The following GZMA variants were observed in gnomAD, a reference collection of about 807,000 sequenced individuals.
The protein encoded by GZMA is granzyme A.
Under a neutral mutation model 21.1 loss-of-function variants are expected in GZMA, and 17 were observed. The observed-to-expected ratio is 0.81, with a 90% confidence interval of 0.55 to 1.21. GZMA has a LOEUF of 1.21. Ranked by LOEUF, GZMA falls within the 50% of genes most tolerant of loss-of-function variation. GZMA has a pLI of 0.00. For missense variants in GZMA, 306 were observed against 315.9 expected (o/e 0.97, Z 0.24); for synonymous variants, 90 against 107.8 (o/e 0.83, Z 1.03).
In GZMA at chr5:55,108,151, A is replaced by G; in HGVS notation, c.384A>G (p.Lys128=). ...LQLMEKAKIN[K]YVTILHLPKK... is the part of the protein sequence containing the mutation. ...TGATGGAAAAAGCAAAAATTAACAA[A>G]TATGTGACTATCCTTCATCTACCTA... The change falls in exon 4 of 5, where the codon AAA becomes AAG. Residue 128 remains lysine, a synonymous_variant. Coordinates refer to ENST00000274306, the MANE Select transcript of GZMA (RefSeq NM_006144.4). 2 of 1,606,806 alleles carry G rather than the reference A, an allele frequency of 1.2e-6. No individual in the cohort carries two copies. The highest frequency in any genetic ancestry group is 8.5e-7 in the Non-Finnish European group (1 of 1,173,486).
intron 3 of GZMA, 86 bp downstream of exon 3, chr5:55,108,021 G>T: frequency 7.0e-7 from 1 of 1,423,290 alleles, no homozygotes; most frequent in Non-Finnish European, 9.8e-7. Context: ...TGGTGCCCCT[G>T]TTGTAAAAAC....
rs189633369 is a variant in GZMA at position 55,108,100 on chromosome 5, A to G, written c.358-25A>G. Reference sequence around the variant, plus strand: ...TGTAAATATTTATCTTATCCCATTAACACTTTATGTTTTTCTTCCAACAGC... The same window carrying G: ...TGTAAATATTTATCTTATCCCATTAGCACTTTATGTTTTTCTTCCAACAGC... On this transcript the variant is annotated intron_variant, in intron 3 of 4. Transcript: ENST00000274306. The G allele has an allele frequency of 4.5e-6, 7 of 1,543,656 alleles. No individual in the cohort carries two copies. The African/African-American group carries it at 6.8e-5, about 15-fold the overall frequency.
chr5:55,107,700 T>C, intron 2 of GZMA, 94 bp from the exon 3 acceptor site: 1 of 831,896 alleles, frequency 1.2e-6, no homozygotes, highest in South Asian at 2.4e-5. Flanking sequence ...CCCACCTCCA[T>C]ATTTACAAAT....
chr5:55,107,563 G>C (rs1486307938), intron 2 of GZMA, among the ~76,000 whole-genome samples: 1 of 152,174 alleles, frequency 6.6e-6, no homozygotes, highest in Admixed American at 6.5e-5. Flanking sequence ...AATGAACCTA[G>C]TTTAGCTTTT....
At chr5:55,104,513 A>G (rs1742352640) in intron 1 of GZMA, among the ~76,000 whole-genome samples, 2 of 152,326 alleles carry the variant, frequency 1.3e-5, no homozygotes, top group Middle Eastern at 3.4e-3. Flanking sequence ...AAAGGCTTCT[A>G]TAGCTGTCAT....
At position 55,105,525 on chromosome 5, in the gene GZMA, C is replaced by T. The variant is rs72764175; in HGVS notation, c.122C>T (p.Pro41Leu). ...AATGAAGTAACTCCTCATTCAAGAC[C>T]CTACATGGTCCTACTTAGTCTTGAC... Reference protein sequence around the residue: ...GGNEVTPHSRPYMVLLSLDRK... With the variant: ...GGNEVTPHSRLYMVLLSLDRK... Residue 41 changes from proline (P) to leucine (L), a missense_variant, in exon 2 of 5, where the codon CCC becomes CTC. By Grantham distance (98) the Pro-to-Leu change is moderately conservative. Coordinates refer to ENST00000274306, the MANE Select transcript of GZMA (RefSeq NM_006144.4). 6.2e-7 allele frequency: 1 copy of T among 1,610,866 alleles called. No individual in the cohort carries two copies. The highest frequency in any genetic ancestry group is 2.2e-5 in the East Asian group (1 of 44,826).
intron 2 of GZMA, 69 bp downstream of exon 2, chr5:55,105,687 A>G: frequency 7.1e-7 from 1 of 1,402,674 alleles, no homozygotes; most frequent in Admixed American, 1.7e-5. Flanking sequence ...TAATAAAAAG[A>G]GTAGGCCGGG....
rs560327417 is a variant in GZMA, at chr5:55,105,965, T to G, written c.215+347T>G. Among the ~76,000 whole-genome samples, 173 of 141,034 alleles carry G rather than the reference T, an allele frequency of 1.2e-3. 1 individual carries two copies. The highest frequency in any genetic ancestry group is 4.3e-3 in the African/African-American group (162 of 37,454). The allele number at this position is 141,034 out of a possible 152,430, so 92.5% of individuals were successfully genotyped here. A position where few individuals can be genotyped will look rare whatever the true frequency, so the allele number is the denominator to read the frequency against. ...CCAGCCTGGGCAACGAGAGTGAGACTCCATCTCAAAATAAAATAAAATAAA... is the reference window on the plus strand; with the variant it reads ...CCAGCCTGGGCAACGAGAGTGAGACGCCATCTCAAAATAAAATAAAATAAA... On this transcript the variant is annotated intron_variant, in intron 2 of 4. Coordinates refer to ENST00000274306, the MANE Select transcript of GZMA (RefSeq NM_006144.4).
At chr5:55,103,052 G>GAA (rs5867961) in intron 1 of GZMA, among the ~76,000 whole-genome samples, 2,815 of 151,026 alleles carry the variant, frequency 0.019, 100 homozygotes, top group African/African-American at 0.064. Context: ...CTGTATTTTA[G>GAA]AAAAAAAAAT....
chr5:55,102,738 T>C lies in GZMA; in HGVS notation c.56T>C (p.Leu19Pro). Residue 19 changes from leucine to proline, a missense_variant, in exon 1 of 5, where the codon CTG (leucine) becomes CCG (proline). Coordinates refer to ENST00000274306, the MANE Select transcript of GZMA (RefSeq NM_006144.4). ...ASSLSVVVSL[L>P]LIPEDVCEKI... ...TCTCTCTCAGTTGTCGTTTCTCTCC[T>C]GCTAATTCCTGAAGGTAAGACTGAT... is the stretch of plus-strand genomic sequence containing the variant. The C allele has an allele frequency of 1.2e-6, 2 of 1,600,894 alleles. No individual in the cohort carries two copies. The highest frequency in any genetic ancestry group is 8.6e-7 in the Non-Finnish European group (1 of 1,167,972).
At chr5:55,108,093 C>A in intron 3 of GZMA, 32 bp from the exon 4 acceptor site, 1 of 1,501,032 alleles carries the variant, frequency 6.7e-7, no homozygotes. Flanking sequence ...TTTATCTTAT[C>A]CCATTAACAC....
At position 55,108,409 on chromosome 5, in the gene GZMA, A is replaced by T; in HGVS notation, c.627+15A>T. 1 of 1,597,198 alleles carries T rather than the reference A, an allele frequency of 6.3e-7. No individual in the cohort carries two copies. The highest frequency in any genetic ancestry group is 8.6e-7 in the Non-Finnish European group (1 of 1,168,232). The stretch of plus-strand genomic sequence containing the variant: ...ACTCGTGCAATGTAAGTAAAATAAG[A>T]TCCCACGTTTCAGCTATTGAATTAA... On this transcript the variant is annotated intron_variant, in intron 4 of 4. Coordinates refer to ENST00000274306, the MANE Select transcript of GZMA (RefSeq NM_006144.4).
chr5:55,105,921 G>A (rs1253550404), intron 2 of GZMA, among the ~76,000 whole-genome samples: 1 of 151,324 alleles, frequency 6.6e-6, no homozygotes, highest in Non-Finnish European at 1.5e-5. Flanking sequence ...GCAGTGAGCC[G>A]AGATCGCACC....
Position 55,108,382 on chromosome 5 carries a change from A to G in GZMA, c.615A>G (p.Arg205=), listed in dbSNP as rs1742451214. Residue 205 remains arginine (R), a synonymous_variant, in exon 4 of 5, where the codon AGA becomes AGG. Coordinates refer to ENST00000274306, the MANE Select transcript of GZMA (RefSeq NM_006144.4). ...GTGCTGGAAGCCTCCGAGGTGGAAGAGACTCGTGCAATGTAAGTAAAATAA... is the reference window on the plus strand; with the variant it reads ...GTGCTGGAAGCCTCCGAGGTGGAAGGGACTCGTGCAATGTAAGTAAAATAA... ...MVCAGSLRGG[R]DSCNGDSGSP... 6.2e-7 allele frequency: 1 copy of G among 1,611,432 alleles called. No homozygotes were observed. Among genetic ancestry groups the G allele is most frequent in the Admixed American group, 1.7e-5 (1 of 59,914 alleles).
rs1742444058 is a variant in GZMA, at chr5:55,108,112, T to C, written c.358-13T>C. ...TCTTATCCCATTAACACTTTATGTT[T>C]TTCTTCCAACAGCTGATGGAAAAAG... On this transcript the variant is annotated splice_polypyrimidine_tract_variant and intron_variant, in intron 3 of 4. Transcript: ENST00000274306. The C allele has an allele frequency of 4.4e-6, 7 of 1,574,830 alleles. No homozygotes were observed. The highest frequency in any genetic ancestry group is 3.3e-4 in the Middle Eastern group (2 of 5,986).
chr5:55,109,347 C>T (rs991246814), intron 4 of GZMA, among the ~76,000 whole-genome samples: 4 of 152,176 alleles, frequency 2.6e-5, no homozygotes, highest in Admixed American at 1.3e-4. Flanking sequence ...CCTAAGGCCA[C>T]GGCAGCATCC....
At position 55,108,257 on chromosome 5, in the gene GZMA, G is replaced by C. The variant is rs149445760; in HGVS notation, c.490G>C (p.Asp164His). 2.5e-6 allele frequency: 4 copies of C among 1,613,958 alleles called. No homozygotes were observed. Among genetic ancestry groups the C allele is most frequent in the African/African-American group, 2.7e-5 (2 of 75,038 alleles). The change falls in exon 4 of 5, where the codon GAT becomes CAT. Residue 164 changes from aspartate to histidine, a missense_variant. By Grantham distance (81) the Asp-to-His change is moderately conservative. Transcript: ENST00000274306. ...GACTCACAATAGTGCATCTTGGTCC[G>C]ATACTCTGAGAGAAGTCAATATCAC... ...GRTHNSASWS[D>H]TLREVNITII...
intron 1 of GZMA, among the ~76,000 whole-genome samples, chr5:55,104,174 T>C (rs1466453141): frequency 1.3e-5 from 2 of 152,206 alleles, no homozygotes; most frequent in Non-Finnish European, 2.9e-5. Flanking sequence ...TCCAGCCATA[T>C]CTTTTCTTCA....
intron 2 of GZMA, among the ~76,000 whole-genome samples, chr5:55,107,386 T>C (rs1217868938): frequency 1.3e-5 from 2 of 152,212 alleles, no homozygotes; most frequent in East Asian, 1.9e-4. Flanking sequence ...CTTCAGTGCA[T>C]TACTTTACAA....
Sources: allele counts gnomAD v4.1 joint callset (sites outside exome capture counted in the v4.1 genomes callset), GRCh38; gene constraint gnomAD v4.1.1; transcripts MANE v1.5; gene names NCBI Gene and HGNC (gene_info 2026-07-23, HGNC 2026-07-21).